Variants in CFAP61 observed in about 807,000 individuals in gnomAD.
CFAP61 encodes the protein cilia and flagella associated protein 61.
Under a neutral mutation model 135.6 loss-of-function variants are expected in CFAP61, and 107 were observed. The ratio of observed to expected loss-of-function variants is 0.79; its 90% confidence interval spans 0.67 to 0.93. The LOEUF (loss-of-function observed/expected upper bound fraction) is 0.93. Among genes scored for constraint, CFAP61 ranks in the 40% least tolerant of loss-of-function variants. The pLI, the probability that CFAP61 is intolerant of heterozygous loss-of-function variation, is 0.00. For missense variants in CFAP61, 1,507 were observed against 1,556.2 expected (o/e 0.97, Z 0.53); for synonymous variants, 575 against 578.5 (o/e 0.99, Z 0.09).
In CFAP61 at chr20:20,166,389, G is replaced by C. The variant is rs76478725; in HGVS notation, c.1206-8G>C. ...GGGCACTGACAGTGCTTACTGTCTT[G>C]TTTACAGGTCGCTGGATTTTATGAA... On this transcript the variant is annotated splice_polypyrimidine_tract_variant and splice_region_variant and intron_variant, in intron 11 of 26. Transcript: ENST00000245957. 6.2e-7 allele frequency: 1 copy of C among 1,613,368 alleles called. No homozygotes were observed. The highest frequency in any genetic ancestry group is 1.7e-5 in the Admixed American group (1 of 59,982).
intron 8 of CFAP61, among the ~76,000 whole-genome samples, chr20:20,129,436 C>A (rs1030762919): frequency 6.6e-6 from 1 of 151,696 alleles, no homozygotes; most frequent in Non-Finnish European, 1.5e-5. Context: ...AGTCTGTTGC[C>A]AGATGAATTG....
intron 18 of CFAP61, among the ~76,000 whole-genome samples, chr20:20,242,377 G>A (rs1362036503): frequency 6.6e-6 from 1 of 152,216 alleles, no homozygotes; most frequent in Non-Finnish European, 1.5e-5. Flanking sequence ...TTTGCAGCAA[G>A]AGCATCTTAA....
chr20:20,309,231 A>C (rs902625473), intron 25 of CFAP61, among the ~76,000 whole-genome samples: 10 of 152,188 alleles, frequency 6.6e-5, no homozygotes, highest in Non-Finnish European at 1.3e-4. Flanking sequence ...AATTTTTAAA[A>C]ATTTCCACTC....
At chr20:20,125,882 A>C (rs937477783) in intron 8 of CFAP61, among the ~76,000 whole-genome samples, 2 of 151,778 alleles carry the variant, frequency 1.3e-5, no homozygotes, top group African/African-American at 4.9e-5. Context: ...TAATTAGTAA[A>C]TTTGGGACCT....
At chr20:20,125,981 T>C (rs753106953) in intron 8 of CFAP61, among the ~76,000 whole-genome samples, 4 of 151,844 alleles carry the variant, frequency 2.6e-5, no homozygotes, top group Non-Finnish European at 4.4e-5. Context: ...TCTTTGTCTC[T>C]TTTAACTGCT....
In CFAP61 at chr20:20,142,841, A is replaced by G. The variant is rs761670018; in HGVS notation, c.860-16A>G. The stretch of plus-strand genomic sequence containing the variant: ...ATCATCTATTTTCTGTCATTATTCT[A>G]TCCCTTCTCTCAAAGATGCTGAGCT... On this transcript the variant is annotated splice_polypyrimidine_tract_variant and intron_variant, in intron 8 of 26. Transcript: ENST00000245957. 5 of 1,467,116 alleles carry G rather than the reference A, an allele frequency of 3.4e-6. No homozygotes were observed. Among genetic ancestry groups the G allele is most frequent in the Non-Finnish European group, 4.7e-6 (5 of 1,053,780 alleles). 90.9% of individuals were successfully genotyped at this position (1,467,116 alleles called of 1,614,324 possible).
At chr20:20,278,428 A>C (rs187779381) in intron 22 of CFAP61, among the ~76,000 whole-genome samples, 1 of 152,306 alleles carries the variant, frequency 6.6e-6, no homozygotes, top group East Asian at 1.9e-4. Context: ...AGAAGCCCTC[A>C]GGGAGGGAAG....
rs1283607200 is a variant in CFAP61, at chr20:20,170,264, G to T, written c.1385+804G>T. Among the ~76,000 whole-genome samples, 6 of 152,302 alleles carry T rather than the reference G, an allele frequency of 3.9e-5. No homozygotes were observed. The South Asian group carries it at 6.2e-4, about 16-fold the overall frequency. The stretch of plus-strand genomic sequence containing the variant: ...TTCTTTTTAAAACATGAAAGAAAAA[G>T]ATTAAGGTGTCTTATACTATACCAA... On this transcript the variant is annotated intron_variant, in intron 13 of 26. Coordinates refer to ENST00000245957, the MANE Select transcript of CFAP61 (RefSeq NM_015585.4).
At chr20:20,213,211 G>A (rs2146920666) in intron 17 of CFAP61, among the ~76,000 whole-genome samples, 2 of 152,312 alleles carry the variant, frequency 1.3e-5, no homozygotes, top group Admixed American at 1.3e-4. Flanking sequence ...TGCAGCTTTG[G>A]TGCTTTTGAC....
intron 25 of CFAP61, among the ~76,000 whole-genome samples, chr20:20,298,942 A>C (rs1349340006): frequency 6.6e-6 from 1 of 152,210 alleles, no homozygotes; most frequent in Non-Finnish European, 1.5e-5. Flanking sequence ...CATCCTATCC[A>C]TTAGGAAGGC....
chr20:20,178,502 C>T (rs1159305657), intron 13 of CFAP61, among the ~76,000 whole-genome samples: 1 of 152,160 alleles, frequency 6.6e-6, no homozygotes, highest in Non-Finnish European at 1.5e-5. Context: ...TGATGCTTTT[C>T]TGAAATTTGA....
At chr20:20,356,707 T>TGA (rs1250178470) in intron 26 of CFAP61, among the ~76,000 whole-genome samples, 3 of 6,276 alleles carry the variant, frequency 4.8e-4, no homozygotes, top group Admixed American at 1.1e-3. Flanking sequence ...GTGGTCACAC[T>TGA]GGGGAGGTGG....
chr20:20,330,556 C>T (rs889957986), intron 25 of CFAP61, among the ~76,000 whole-genome samples: 3 of 152,038 alleles, frequency 2.0e-5, no homozygotes, highest in Non-Finnish European at 4.4e-5. Context: ...AGGCTGGTCT[C>T]GAACTCCTGA....
intron 3 of CFAP61, among the ~76,000 whole-genome samples, chr20:20,073,183 A>G (rs1464836573): frequency 6.6e-6 from 1 of 152,246 alleles, no homozygotes; most frequent in Non-Finnish European, 1.5e-5. Flanking sequence ...AGTCCTATTC[A>G]GGATGTAAGG....
chr20:20,242,604 T>C (rs2050099653), intron 18 of CFAP61, among the ~76,000 whole-genome samples: 1 of 152,222 alleles, frequency 6.6e-6, no homozygotes, highest in South Asian at 2.1e-4. Context: ...CCAACCTTGA[T>C]TTTCTTACCT....
chr20:20,187,645 A>C (rs1341771420), intron 13 of CFAP61, among the ~76,000 whole-genome samples: 1 of 152,204 alleles, frequency 6.6e-6, no homozygotes, highest in Non-Finnish European at 1.5e-5. Flanking sequence ...TTTATGAAAT[A>C]AATCATAGTG....
intron 7 of CFAP61, among the ~76,000 whole-genome samples, chr20:20,096,989 T>C (rs143184802): frequency 1.9e-4 from 29 of 152,248 alleles, no homozygotes; most frequent in Non-Finnish European, 4.1e-4. Flanking sequence ...TATTTCAGTA[T>C]TGAGAAGAAA....
rs757058902 is a variant in CFAP61 at position 20,052,588 on chromosome 20, T to A, written c.-40T>A. On this transcript the variant is annotated 5_prime_UTR_variant, in exon 1 of 27. It removes an upstream start codon present in the reference 5' UTR. Transcript: ENST00000245957. Reference sequence around the variant, plus strand: ...GAGTGCGGCGTCCTGGAGCTGCGGATGAGGTGGGTAACGCCGTGCTGACTA... The same window carrying A: ...GAGTGCGGCGTCCTGGAGCTGCGGAAGAGGTGGGTAACGCCGTGCTGACTA... 6.2e-7 allele frequency: 1 copy of A among 1,613,790 alleles called. No individual in the cohort carries two copies. The highest frequency in any genetic ancestry group is 8.5e-7 in the Non-Finnish European group (1 of 1,179,860).
intron 25 of CFAP61, among the ~76,000 whole-genome samples, chr20:20,314,985 T>C (rs1187902097): frequency 1.7e-5 from 2 of 116,024 alleles, no homozygotes; most frequent in South Asian, 5.9e-4. Context: ...TGAATAATGC[T>C]GCAATAAACA....
Sources: gnomAD v4.1 joint callset for allele counts (sites outside exome capture counted in the v4.1 genomes callset) on GRCh38, gnomAD v4.1.1 for gene constraint, MANE v1.5 for transcripts, NCBI Gene and HGNC (gene_info 2026-07-23, HGNC 2026-07-21) for gene names.